Variants in TMEM132D observed in about 807,000 individuals in gnomAD.
The protein encoded by TMEM132D is mature OL transmembrane protein.
In TMEM132D, 21 loss-of-function variants were observed where a neutral mutation model predicts 62.3. The ratio of observed to expected loss-of-function variants is 0.34; its 90% CI spans 0.24 to 0.49. The LOEUF is 0.49. Among genes scored for constraint, TMEM132D ranks in the 20% least tolerant of loss-of-function variants. The pLI is 0.99. For synonymous variants in TMEM132D, 621 were observed against 575.6 expected (o/e 1.08, Z -1.13); for missense variants, 1,346 against 1,402.8 (o/e 0.96, Z 0.65).
At chr12:129,876,978 C>T (rs576009594) in intron 1 of TMEM132D, among the ~76,000 whole-genome samples, 1 of 152,158 alleles carries the variant, frequency 6.6e-6, no homozygotes, top group Admixed American at 6.5e-5. Flanking sequence ...CAAAAGGAAA[C>T]AAACTGTTGT....
chr12:129,735,290 C>A (rs898395645), intron 1 of TMEM132D, among the ~76,000 whole-genome samples: 2 of 152,182 alleles, frequency 1.3e-5, no homozygotes, highest in African/African-American at 4.8e-5. Flanking sequence ...AACATTTATT[C>A]CCTATCACAC....
At chr12:129,733,494 T>C (rs1160780780) in intron 1 of TMEM132D, among the ~76,000 whole-genome samples, 1 of 152,102 alleles carries the variant, frequency 6.6e-6, no homozygotes, top group African/African-American at 2.4e-5. Context: ...TGCCACCCCA[T>C]ACTGAAGAGA....
chr12:129,297,439 T>C (rs767014799), intron 4 of TMEM132D, among the ~76,000 whole-genome samples: 2 of 152,096 alleles, frequency 1.3e-5, no homozygotes, highest in African/African-American at 2.4e-5. Flanking sequence ...TGGGACAAAC[T>C]TGAGAATTTA....
intron 2 of TMEM132D, among the ~76,000 whole-genome samples, chr12:129,689,611 A>T (rs1881015575): frequency 6.6e-6 from 1 of 152,154 alleles, no homozygotes; most frequent in Admixed American, 6.5e-5. Context: ...TGCACCTTTG[A>T]TTTAGGGCAT....
At chr12:129,427,519 C>A (rs890425335) in intron 3 of TMEM132D, among the ~76,000 whole-genome samples, 28 of 152,084 alleles carry the variant, frequency 1.8e-4, no homozygotes, top group Middle Eastern at 3.4e-3. Context: ...AACTAACCTG[C>A]ACGTTGTGCA....
At chr12:129,670,953 ATTTC>A (rs1255621750) in intron 2 of TMEM132D, among the ~76,000 whole-genome samples, 1 of 152,108 alleles carries the variant, frequency 6.6e-6, no homozygotes, top group Admixed American at 6.5e-5. Flanking sequence ...TTCGCACAAT[ATTTC>A]TTTCCCATTT....
chr12:129,640,684 A>G (rs1879620819), intron 2 of TMEM132D, among the ~76,000 whole-genome samples: 1 of 152,174 alleles, frequency 6.6e-6, no homozygotes, highest in Non-Finnish European at 1.5e-5. Flanking sequence ...TAATTCCTAC[A>G]TAACAAGGGT....
intron 1 of TMEM132D, among the ~76,000 whole-genome samples, chr12:129,781,609 A>T (rs61943420): frequency 0.06 from 9,075 of 152,204 alleles, 318 homozygotes; most frequent in East Asian, 0.1. Flanking sequence ...TACCTCTGGA[A>T]CCAAAGTGGC....
chr12:129,667,329 T>C (rs1880400999), intron 2 of TMEM132D, among the ~76,000 whole-genome samples: 1 of 152,192 alleles, frequency 6.6e-6, no homozygotes, highest in Non-Finnish European at 1.5e-5. Flanking sequence ...GAAGACAATT[T>C]TTCTATAATG....
chr12:129,566,316 T>C (rs925665658), intron 2 of TMEM132D, among the ~76,000 whole-genome samples: 4 of 152,088 alleles, frequency 2.6e-5, no homozygotes, highest in East Asian at 1.9e-4. Context: ...TTCGAAAGCA[T>C]CTCAACATTG....
chr12:129,815,432 T>C (rs1375364811), intron 1 of TMEM132D, among the ~76,000 whole-genome samples: 2 of 152,246 alleles, frequency 1.3e-5, no homozygotes, highest in Non-Finnish European at 2.9e-5. Flanking sequence ...GTAGCTAGAA[T>C]TGCACGTGTG....
At chr12:129,663,947 A>C (rs1445109281) in intron 2 of TMEM132D, among the ~76,000 whole-genome samples, 5 of 75,360 alleles carry the variant, frequency 6.6e-5, no homozygotes, top group Admixed American at 6.0e-4. Flanking sequence ...TCAAATTAGG[A>C]AAAACAAAAT....
intron 3 of TMEM132D, among the ~76,000 whole-genome samples, chr12:129,447,554 A>G (rs1873136351): frequency 6.6e-6 from 1 of 152,188 alleles, no homozygotes; most frequent in South Asian, 2.1e-4. Flanking sequence ...GGATTTAAAG[A>G]CATCTTGTAT....
chr12:129,332,914 A>G (rs1869156079), intron 4 of TMEM132D, among the ~76,000 whole-genome samples: 1 of 152,224 alleles, frequency 6.6e-6, no homozygotes, highest in African/African-American at 2.4e-5. Context: ...TCAGTTTGCA[A>G]GATGAAAAAG....
At chr12:129,798,199 C>G (rs977150724) in intron 1 of TMEM132D, among the ~76,000 whole-genome samples, 1 of 152,140 alleles carries the variant, frequency 6.6e-6, no homozygotes, top group Non-Finnish European at 1.5e-5. Flanking sequence ...CCTACAGAAC[C>G]GTGAGCCAAT....
At chr12:129,672,833 T>C (rs920273524) in intron 2 of TMEM132D, among the ~76,000 whole-genome samples, 6 of 152,168 alleles carry the variant, frequency 3.9e-5, no homozygotes, top group African/African-American at 1.4e-4. Context: ...CTGCAACCTC[T>C]GCCTCCCGGG....
chr12:129,740,687 A>C (rs1416491541), intron 1 of TMEM132D, among the ~76,000 whole-genome samples: 1 of 152,228 alleles, frequency 6.6e-6, no homozygotes, highest in Non-Finnish European at 1.5e-5. Flanking sequence ...AAACATGAAT[A>C]GAACAGTACA....
In TMEM132D at chr12:129,073,829, TA is replaced by T. The variant is rs2135601084; in HGVS notation, c.*45del. On this transcript the variant is annotated 3_prime_UTR_variant, in exon 9 of 9. Coordinates refer to ENST00000422113, the MANE Select transcript of TMEM132D (RefSeq NM_133448.3). ...GCACCGTTGCTACACATCCTGGAAT[TA>T]AAGGCTGAAAGGTGAGTGAGAACCA... The T allele has an allele frequency of 6.8e-7, 1 of 1,480,718 alleles. No homozygotes were observed. The highest frequency in any genetic ancestry group is 9.1e-7 in the Non-Finnish European group (1 of 1,102,818). The allele number at this position is 1,480,718 out of a possible 1,614,324, so 91.7% of individuals were successfully genotyped here.
intron 1 of TMEM132D, among the ~76,000 whole-genome samples, chr12:129,810,470 A>T (rs1451128399): frequency 6.6e-6 from 1 of 152,154 alleles, no homozygotes; most frequent in Non-Finnish European, 1.5e-5. Flanking sequence ...CATTTACCAA[A>T]AAAAGGTAAT....
Sources: gnomAD v4.1 joint callset for allele counts (sites outside exome capture counted in the v4.1 genomes callset) on GRCh38, gnomAD v4.1.1 for gene constraint, MANE v1.5 for transcripts, NCBI Gene and HGNC (gene_info 2026-07-23, HGNC 2026-07-21) for gene names.